Variants in SFI1 observed in about 807,000 individuals in gnomAD.
SFI1 encodes protein SFI1 homolog.
A neutral mutation model predicts 207.5 loss-of-function variants in SFI1; 195 were observed. The observed-to-expected ratio is 0.94, with a 90% CI of 0.84 to 1.06. The LOEUF (loss-of-function observed/expected upper bound fraction) is 1.06, where lower values mean the gene tolerates loss of function less well. Among genes scored for constraint, SFI1 ranks in the 50% least tolerant of loss-of-function variants. The probability of loss-of-function intolerance (pLI) is 0.00; values close to 1 mark genes in which losing one functional copy is unlikely to be tolerated. For synonymous variants in SFI1, 630 were observed against 598.9 expected (o/e 1.05, Z -0.76); for missense variants, 1,634 against 1,588.0 (o/e 1.03, Z -0.49).
At chr22:31,593,154 C>G (rs913558823) in intron 15 of SFI1, among the ~76,000 whole-genome samples, 3 of 150,668 alleles carry the variant, frequency 2.0e-5, no homozygotes, top group African/African-American at 7.3e-5. Context: ...CACCTCCTTC[C>G]CGGACGGGGT....
intron 12 of SFI1, among the ~76,000 whole-genome samples, chr22:31,583,271 G>A (rs142298893): frequency 2.0e-5 from 3 of 152,098 alleles, no homozygotes; most frequent in African/African-American, 4.8e-5. Flanking sequence ...GTGCCATCAC[G>A]CCCGGCTAAT....
intron 5 of SFI1, among the ~76,000 whole-genome samples, 177 bp from the exon 6 acceptor site, chr22:31,550,077 G>A (rs1302030133): frequency 1.3e-5 from 2 of 151,924 alleles, no homozygotes; most frequent in East Asian, 1.9e-4. Flanking sequence ...GATTATAGAC[G>A]TGTGCCACCA....
In SFI1 at chr22:31,618,509, T is replaced by TTA. The variant is rs2072237573; in HGVS notation, c.*93_*94dup. On this transcript the variant is annotated 3_prime_UTR_variant, in exon 33 of 33. Transcript: ENST00000400288. ...AACACAGTTTTAAGTTTGATTTTTT[T>TTA]TATTTCAAAATGCTTTGCAATTAAA... The TTA allele has an allele frequency of 7.9e-7, 1 of 1,267,460 alleles. No individual in the cohort carries two copies. Among genetic ancestry groups the TTA allele is most frequent in the Admixed American group, 3.3e-5 (1 of 30,494 alleles). 78.5% of individuals were successfully genotyped at this position (1,267,460 alleles called of 1,614,324 possible). A position where few individuals can be genotyped will look rare whatever the true frequency, so the allele number is the denominator to read the frequency against.
intron 24 of SFI1, 67 bp from the exon 25 acceptor site, chr22:31,613,075 G>A: frequency 3.9e-6 from 6 of 1,542,370 alleles, no homozygotes; most frequent in Non-Finnish European, 5.3e-6. Context: ...AGCTGGGCAG[G>A]GCCCCGTGAT....
At chr22:31,522,673 T>G (rs187323367) in intron 2 of SFI1, among the ~76,000 whole-genome samples, 1 of 152,308 alleles carries the variant, frequency 6.6e-6, no homozygotes, top group East Asian at 1.9e-4. Context: ...TTTTTTTCTT[T>G]TGAGATGGAG....
chr22:31,617,137 G>A (rs2071705202), intron 31 of SFI1, 59 bp downstream of exon 31: 3 of 1,575,608 alleles, frequency 1.9e-6, no homozygotes, highest in Non-Finnish European at 2.6e-6. Context: ...GCCTGGAGAG[G>A]TGGGCAGGCA....
intron 2 of SFI1, among the ~76,000 whole-genome samples, chr22:31,513,364 G>A (rs1215532444): frequency 6.6e-6 from 1 of 151,972 alleles, no homozygotes; most frequent in Admixed American, 6.6e-5. Context: ...TCACCACGTT[G>A]CCTAGGCTGG....
chr22:31,579,489 G>C (rs1174676406), intron 11 of SFI1, among the ~76,000 whole-genome samples: 1 of 151,982 alleles, frequency 6.6e-6, no homozygotes, highest in African/African-American at 2.4e-5. Flanking sequence ...CTAATTTTTT[G>C]TATGTTTAAT....
intron 15 of SFI1, among the ~76,000 whole-genome samples, chr22:31,590,979 A>AT (rs201390550): frequency 2.1e-5 from 3 of 142,212 alleles, no homozygotes; most frequent in African/African-American, 5.4e-5. Context: ...TTATTTATTT[A>AT]TTTTTTTATT....
Position 31,613,209 on chromosome 22 carries a change from A to G in SFI1, c.2558A>G (p.Gln853Arg). ...RALWFWAFSL[Q>R]AKVWATWLAF... ...CTGTGGTTCTGGGCCTTCTCGCTGC[A>G]GGCAAAGGTAATTGGGGCTCTGCAT... Residue 853 changes from glutamine (Q) to arginine (R), a missense_variant, in exon 25 of 33, where the codon CAG becomes CGG. Gln to Arg is a conservative substitution (Grantham distance 43). Coordinates refer to ENST00000400288, the MANE Select transcript of SFI1 (RefSeq NM_001007467.3). The G allele has an allele frequency of 1.9e-6, 3 of 1,613,786 alleles. No individual in the cohort carries two copies. Among genetic ancestry groups the G allele is most frequent in the African/African-American group, 1.3e-5 (1 of 75,056 alleles).
chr22:31,611,474 G>A (rs747411158), intron 23 of SFI1, among the ~76,000 whole-genome samples, 171 bp downstream of exon 23: 18 of 152,224 alleles, frequency 1.2e-4, no homozygotes, highest in Middle Eastern at 3.2e-3. Context: ...CTTTCTGGGC[G>A]TTTGGTGGAG....
intron 8 of SFI1, among the ~76,000 whole-genome samples, chr22:31,566,938 C>T (rs2062372965): frequency 6.6e-6 from 1 of 151,994 alleles, no homozygotes; most frequent in Non-Finnish European, 1.5e-5. Context: ...ACATGTCTCA[C>T]TCTGTCACCC....
intron 15 of SFI1, among the ~76,000 whole-genome samples, chr22:31,598,727 T>TTTTTTTTC: frequency 7.6e-6 from 1 of 130,998 alleles, no homozygotes; most frequent in Non-Finnish European, 1.6e-5. Flanking sequence ...TTTTTTTTTT[T>TTTTTTTTC]TTTTTTTTTT....
At chr22:31,505,653 G>A (rs1009800028) in intron 1 of SFI1, among the ~76,000 whole-genome samples, 7 of 151,978 alleles carry the variant, frequency 4.6e-5, no homozygotes, top group East Asian at 3.9e-4. Flanking sequence ...GGGAGGCTAA[G>A]GTGGATAGAT....
rs2058188506 is a variant in SFI1, at chr22:31,528,824, C to G, written c.227C>G (p.Thr76Ser). 6.2e-7 allele frequency: 1 copy of G among 1,613,924 alleles called. No homozygotes were observed. Among genetic ancestry groups the G allele is most frequent in the Admixed American group, 1.7e-5 (1 of 59,980 alleles). ...SHLVQYRGTH[T>S]CTRQGRLREL... Reference sequence around the variant, plus strand: ...CTAGTGCAGTATCGTGGCACACATACTTGTACCCGACAGGGCCGGTTAAGA... The same window carrying G: ...CTAGTGCAGTATCGTGGCACACATAGTTGTACCCGACAGGGCCGGTTAAGA... The change falls in exon 3 of 33, where the codon ACT (threonine) becomes AGT (serine). Residue 76 changes from threonine (T) to serine (S), a missense_variant. Transcript: ENST00000400288.
chr22:31,500,744 A>C (rs1195812177), intron 1 of SFI1, among the ~76,000 whole-genome samples: 1 of 151,166 alleles, frequency 6.6e-6, no homozygotes, highest in Admixed American at 6.6e-5. Flanking sequence ...GGCGTGAGCC[A>C]TTGTGCCTGC....
chr22:31,594,862 A>AAG (rs1556298097), intron 15 of SFI1, among the ~76,000 whole-genome samples: 5 of 150,908 alleles, frequency 3.3e-5, no homozygotes, highest in Admixed American at 6.6e-5. Flanking sequence ...CTCAAAAAAA[A>AAG]AAAAAAAAAA....
chr22:31,556,637 T>C (rs757100722), intron 6 of SFI1, among the ~76,000 whole-genome samples: 18 of 152,248 alleles, frequency 1.2e-4, no homozygotes, highest in Non-Finnish European at 2.4e-4. Context: ...TGTTTATTCA[T>C]ATCATTTCGT....
At chr22:31,528,951 C>A in intron 3 of SFI1, 88 bp downstream of exon 3, 1 of 1,336,260 alleles carries the variant, frequency 7.5e-7, no homozygotes, top group Non-Finnish European at 1.0e-6. Context: ...CTTATTCTTC[C>A]ACCGCAATTA....
Sources: allele counts gnomAD v4.1 joint callset (sites outside exome capture counted in the v4.1 genomes callset), GRCh38; gene constraint gnomAD v4.1.1; transcripts MANE v1.5; gene names NCBI Gene and HGNC (gene_info 2026-07-23, HGNC 2026-07-21).